Variants in ZNF423 observed in about 807,000 individuals in gnomAD.
The protein encoded by ZNF423 is Ebf-associated zinc finger protein.
A neutral mutation model predicts 95.8 loss-of-function variants in ZNF423; 12 were observed. The ratio of observed to expected loss-of-function variants is 0.13; its 90% confidence interval spans 0.08 to 0.20. ZNF423 has a LOEUF of 0.20. ZNF423 is among the 10% of genes least tolerant of loss of function. The pLI is 1.00. For synonymous variants in ZNF423, 749 were observed against 711.9 expected, an observed-to-expected ratio of 1.05 and a Z score of -0.83; for missense variants, 1,316 against 1,737.1, an observed-to-expected ratio of 0.76 and a Z score of 4.31.
intron 1 of ZNF423, among the ~76,000 whole-genome samples, chr16:49,791,664 C>A (rs1218170458): frequency 6.6e-6 from 1 of 151,988 alleles, no homozygotes; most frequent in African/African-American, 2.4e-5. Context: ...AAAGAAAAAG[C>A]ACAAAAAATA....
At position 49,525,290 on chromosome 16, in the gene ZNF423, G is replaced by C. The variant is rs140286616; in HGVS notation, c.3733+73C>G. The C allele has an allele frequency of 2.2e-4, 348 of 1,582,374 alleles. No individual in the cohort carries two copies. The African/African-American group carries it at 4.1e-3, about 19-fold the overall frequency. ...AAGGAAAGAGGAAGAGCACACACTGGGATCCCGCAATAACAGGGCAGGGCT... is the reference window on the plus strand; with the variant it reads ...AAGGAAAGAGGAAGAGCACACACTGCGATCCCGCAATAACAGGGCAGGGCT... On this transcript the variant is annotated intron_variant, in intron 6 of 7. Transcript: ENST00000563137.
chr16:49,585,090 C>T (rs1342845159), intron 5 of ZNF423, among the ~76,000 whole-genome samples: 1 of 152,202 alleles, frequency 6.6e-6, no homozygotes, highest in Non-Finnish European at 1.5e-5. Flanking sequence ...CTGACTGTTT[C>T]TCCCCAGCCA....
chr16:49,811,392 ACTGGG>A (rs2034750207), intron 1 of ZNF423, among the ~76,000 whole-genome samples: 3 of 152,014 alleles, frequency 2.0e-5, no homozygotes, highest in Non-Finnish European at 4.4e-5. Flanking sequence ...AGAAATAAAC[ACTGGG>A]GGTGGAGGAG....
chr16:49,672,925 C>A (rs562682091), intron 3 of ZNF423, among the ~76,000 whole-genome samples: 1 of 152,316 alleles, frequency 6.6e-6, no homozygotes, highest in Admixed American at 6.5e-5. Context: ...CCCCACCACG[C>A]GGTGTGATCT....
At chr16:49,685,120 C>CAGCTCA (rs1313665795) in intron 3 of ZNF423, among the ~76,000 whole-genome samples, 6 of 152,178 alleles carry the variant, frequency 3.9e-5, no homozygotes, top group Admixed American at 3.3e-4. Flanking sequence ...CCAGGCACAA[C>CAGCTCA]AGCTCAAGCT....
At chr16:49,628,534 TATCCATCC>T (rs60254976) in intron 4 of ZNF423, among the ~76,000 whole-genome samples, 4 of 150,874 alleles carry the variant, frequency 2.7e-5, no homozygotes, top group South Asian at 2.1e-4. Context: ...TCCATCCATC[TATCCATCC>T]ATCCATCCAT....
chr16:49,650,667 C>T (rs1596791796), intron 3 of ZNF423, among the ~76,000 whole-genome samples: 1 of 152,240 alleles, frequency 6.6e-6, no homozygotes, highest in African/African-American at 2.4e-5. Context: ...GCATCCCATT[C>T]AGTTAGTGAA....
At chr16:49,559,911 C>G (rs1045382938) in intron 5 of ZNF423, among the ~76,000 whole-genome samples, 6 of 152,298 alleles carry the variant, frequency 3.9e-5, no homozygotes, top group African/African-American at 1.4e-4. Flanking sequence ...TAGATTTACC[C>G]AGCACACATC....
intron 5 of ZNF423, among the ~76,000 whole-genome samples, chr16:49,572,243 T>A (rs1970375595): frequency 6.6e-6 from 1 of 151,830 alleles, no homozygotes; most frequent in South Asian, 2.1e-4. Context: ...AACATGACAA[T>A]TCCCTCGGCA....
chr16:49,717,275 A>C (rs2032735770), intron 3 of ZNF423, among the ~76,000 whole-genome samples: 1 of 151,904 alleles, frequency 6.6e-6, no homozygotes, highest in African/African-American at 2.4e-5. Context: ...AGCATCAGCC[A>C]CTCAAGCCAT....
chr16:49,751,152 C>G (rs1157196013), intron 2 of ZNF423, among the ~76,000 whole-genome samples: 1 of 152,184 alleles, frequency 6.6e-6, no homozygotes, highest in Non-Finnish European at 1.5e-5. Context: ...ACTGCAGGTG[C>G]TCATGTCACA....
chr16:49,635,974 G>A lies in ZNF423; in HGVS notation c.3202C>T (p.Leu1068=). The part of the protein sequence containing the change: ...SAASSPNGQG[L]QKLYKCALCL... ...AGGGCGCACTTGTAGAGCTTCTGCAGCCCCTGGCCATTGGGGGAGGACGCC... is the reference window on the plus strand; with the variant it reads ...AGGGCGCACTTGTAGAGCTTCTGCAACCCCTGGCCATTGGGGGAGGACGCC... Residue 1068 remains leucine, a synonymous_variant, in exon 4 of 8, where the codon CTG becomes TTG. Transcript: ENST00000563137. The surrounding 1 kb of genome is among the most constrained non-coding windows in gnomAD (Gnocchi z 4.8). 1.3e-6 allele frequency: 2 copies of A among 1,599,382 alleles called. No homozygotes were observed. Among genetic ancestry groups the A allele is most frequent in the East Asian group, 2.2e-5 (1 of 44,670 alleles).
intron 7 of ZNF423, among the ~76,000 whole-genome samples, chr16:49,522,556 A>AACCTACCC (rs1430597966): frequency 2.0e-5 from 3 of 152,078 alleles, no homozygotes. Context: ...ATTGCAGCCT[A>AACCTACCC]ACCTACCCAT....
At position 49,815,880 on chromosome 16, in the gene ZNF423, AAATATATATATAT is replaced by A. The variant is rs1259021822; in HGVS notation, c.41-26347_41-26335del. ...CTAATTCCAAACAAACAAAAAAAAAAAATATATATATATATATATATATATATATATATATTTT... is the reference window on the plus strand; with the variant it reads ...CTAATTCCAAACAAACAAAAAAAAAAATATATATATATATATATATATTTT... On this transcript the variant is annotated intron_variant, in intron 1 of 7. Transcript: ENST00000563137. Among the ~76,000 whole-genome samples the A allele has an allele frequency of 3.4e-3, 214 of 63,804 alleles. 2 individuals are homozygous for A. The highest frequency in any genetic ancestry group is 5.0e-3 in the Non-Finnish European group (182 of 36,526). The allele number at this position is 63,804 out of a possible 152,430, so 41.9% of individuals were successfully genotyped here.
rs148237299 is a variant in ZNF423 at position 49,618,520 on chromosome 16, C to T, written c.3601+7650G>A. Among the ~76,000 whole-genome samples, 228 of 152,218 alleles carry T rather than the reference C, an allele frequency of 1.5e-3. 1 individual carries two copies. The highest frequency in any genetic ancestry group is 5.1e-3 in the African/African-American group (212 of 41,514). ...CTGATGGTTTCATAAGGTGCTCTTC[C>T]CCCTTTGCTTTCTTCTCTCTCTCTC... is the stretch of plus-strand genomic sequence containing the variant. On this transcript the variant is annotated intron_variant, in intron 5 of 7. Transcript: ENST00000563137.
chr16:49,539,575 C>T (rs1969177815), intron 5 of ZNF423, among the ~76,000 whole-genome samples: 1 of 152,204 alleles, frequency 6.6e-6, no homozygotes, highest in South Asian at 2.1e-4. Context: ...GTGCCTACAT[C>T]ATAACTGTTG....
At chr16:49,797,816 A>C (rs932763205) in intron 1 of ZNF423, among the ~76,000 whole-genome samples, 3 of 152,252 alleles carry the variant, frequency 2.0e-5, no homozygotes, top group Non-Finnish European at 4.4e-5. Context: ...TGAAAGGGAC[A>C]GGACCCTCTG....
intron 1 of ZNF423, among the ~76,000 whole-genome samples, chr16:49,815,882 ATATAT>A (rs1490016914): frequency 2.9e-4 from 12 of 40,968 alleles, no homozygotes; most frequent in African/African-American, 1.1e-3. Context: ...AAAAAAAAAA[ATATAT>A]ATATATATAT....
At chr16:49,695,265 C>A (rs115621860) in intron 3 of ZNF423, among the ~76,000 whole-genome samples, 1,690 of 152,268 alleles carry the variant, frequency 0.011, 25 homozygotes, top group African/African-American at 0.039. Context: ...AGGTATGCAC[C>A]ACCATACCTG....
Sources: allele counts gnomAD v4.1 joint callset (sites outside exome capture counted in the v4.1 genomes callset), GRCh38; gene constraint gnomAD v4.1.1; non-coding constraint Gnocchi (gnomAD v3.1); transcripts MANE v1.5; gene names NCBI Gene and HGNC (gene_info 2026-07-23, HGNC 2026-07-21).